Variants in GLIS3 observed in about 807,000 individuals in gnomAD.
GLIS3 encodes zinc finger protein GLIS3.
Under a neutral mutation model 78.6 loss-of-function variants are expected in GLIS3, and 53 were observed. The observed-to-expected ratio is 0.67, with a 90% CI of 0.54 to 0.85. The LOEUF (loss-of-function observed/expected upper bound fraction) is 0.85. Among genes scored for constraint, GLIS3 ranks in the 40% least tolerant of loss-of-function variants. GLIS3 has a pLI of 0.00. For missense variants in GLIS3, 1,703 were observed against 1,231.1 expected (o/e 1.38, Z -5.74); for synonymous variants, 684 against 509.9 (o/e 1.34, Z -4.60).
chr9:4,140,628 C>G (rs1833738756), intron 2 of GLIS3, among the ~76,000 whole-genome samples: 1 of 152,252 alleles, frequency 6.6e-6, no homozygotes, highest in African/African-American at 2.4e-5. Flanking sequence ...ATCTCATAGG[C>G]CAGATACCCT....
At chr9:4,368,072 T>A in the GLIS3 span, among the ~76,000 whole-genome samples, 1 of 152,230 alleles carries the variant, frequency 6.6e-6, no homozygotes, top group Non-Finnish European at 1.5e-5. Flanking sequence ...AGTCAATTCT[T>A]GCTTATTCAT....
the GLIS3 span, among the ~76,000 whole-genome samples, chr9:4,405,420 A>T: frequency 2.0e-5 from 3 of 151,950 alleles, no homozygotes. Context: ...AAGAAATTCA[A>T]ATGATCATTA....
At chr9:4,132,044 T>TC (rs1333398288) in intron 2 of GLIS3, among the ~76,000 whole-genome samples, 32 of 151,064 alleles carry the variant, frequency 2.1e-4, no homozygotes, top group African/African-American at 5.8e-4. Context: ...CGGCCAATGT[T>TC]TTTTTTAAAA....
intron 9 of GLIS3, among the ~76,000 whole-genome samples, chr9:3,837,647 C>A (rs142050512): frequency 6.4e-4 from 98 of 152,280 alleles, no homozygotes; most frequent in Non-Finnish European, 1.2e-3. Flanking sequence ...AATTTAAATG[C>A]ATATTGCTGA....
At chr9:4,248,237 C>T (rs1210264991) in intron 2 of GLIS3, among the ~76,000 whole-genome samples, 1 of 126,232 alleles carries the variant, frequency 7.9e-6, no homozygotes, top group East Asian at 3.3e-4. Flanking sequence ...ATCCTTCCCC[C>T]AGCCCCCCAT....
intron 2 of GLIS3, among the ~76,000 whole-genome samples, chr9:4,237,480 G>A (rs928119177): frequency 7.9e-5 from 12 of 152,150 alleles, no homozygotes; most frequent in East Asian, 5.8e-4. Flanking sequence ...AGATGAAATC[G>A]CTACTTCAGG....
At position 4,118,766 on chromosome 9, in the gene GLIS3, A is replaced by C. The variant is rs1272234440; in HGVS notation, c.712T>G (p.Ser238Ala). The C allele has an allele frequency of 6.2e-7, 1 of 1,613,422 alleles. No individual in the cohort carries two copies. The stretch of plus-strand genomic sequence containing the variant: ...AGGCCATTCTGAGAGCCGTGGTTGG[A>C]GAGCGAAGGGAGGGCCCTGTAGCCC... Reference protein sequence around the residue: ...SQGYRALPSLSNHGSQNGLDL... With the variant: ...SQGYRALPSLANHGSQNGLDL... The change falls in exon 4 of 11, where the codon TCC becomes GCC. Residue 238 changes from serine to alanine, a missense_variant. By Grantham distance (99) the Ser-to-Ala change is moderately conservative. Transcript: ENST00000381971. The surrounding 1 kb of genome is among the most constrained non-coding windows in gnomAD (Gnocchi z 4.7).
intron 4 of GLIS3, among the ~76,000 whole-genome samples, chr9:3,944,965 C>T (rs916852892): frequency 3.3e-5 from 5 of 152,222 alleles, no homozygotes; most frequent in Non-Finnish European, 5.9e-5. Flanking sequence ...CCTCACTTTA[C>T]AACAGCCTGC....
the GLIS3 span, among the ~76,000 whole-genome samples, chr9:4,460,136 G>A: frequency 6.6e-6 from 1 of 152,076 alleles, no homozygotes; most frequent in Non-Finnish European, 1.5e-5. Flanking sequence ...GCAATTTGGT[G>A]GCTCGGTGGT....
intron 2 of GLIS3, among the ~76,000 whole-genome samples, chr9:4,207,967 G>A (rs1820031124): frequency 6.6e-6 from 1 of 152,196 alleles, no homozygotes. Flanking sequence ...GAACCACGTT[G>A]GGGGTAGCGG....
At chr9:4,025,057 C>G (rs12115377) in intron 4 of GLIS3, among the ~76,000 whole-genome samples, 3,873 of 150,498 alleles carry the variant, frequency 0.026, 75 homozygotes, top group Non-Finnish European at 0.037. Flanking sequence ...CGAGACCAGC[C>G]TGGTCAAAAT....
At chr9:3,954,966 A>G (rs981477046) in intron 4 of GLIS3, among the ~76,000 whole-genome samples, 3 of 152,258 alleles carry the variant, frequency 2.0e-5, no homozygotes, top group African/African-American at 7.2e-5. Context: ...GTGGATAAAA[A>G]TAAATAAATA....
intron 2 of GLIS3, among the ~76,000 whole-genome samples, chr9:4,212,496 A>C (rs1475933366): frequency 6.6e-6 from 1 of 152,238 alleles, no homozygotes; most frequent in East Asian, 1.9e-4. Context: ...TTACAGACAC[A>C]TAAGCAGGCA....
chr9:4,317,195 G>C (rs538861332), intron 2 of GLIS3, among the ~76,000 whole-genome samples: 27 of 152,278 alleles, frequency 1.8e-4, no homozygotes, highest in African/African-American at 6.5e-4. Flanking sequence ...TTTAAGTACC[G>C]GTCTTTACAT....
chr9:4,029,986 G>A (rs577486534), intron 4 of GLIS3, among the ~76,000 whole-genome samples: 3 of 152,072 alleles, frequency 2.0e-5, no homozygotes, highest in Non-Finnish European at 2.9e-5. Flanking sequence ...TGGATCTTAC[G>A]GTGGCTCAAT....
intron 2 of GLIS3, among the ~76,000 whole-genome samples, chr9:4,241,312 G>C (rs1298724330): frequency 3.3e-5 from 5 of 152,176 alleles, no homozygotes; most frequent in African/African-American, 1.2e-4. Context: ...TGTATTTTAT[G>C]TTTTAAAATA....
chr9:4,173,459 G>A (rs1461291334), intron 2 of GLIS3, among the ~76,000 whole-genome samples: 1 of 151,992 alleles, frequency 6.6e-6, no homozygotes, highest in African/African-American at 2.4e-5. Context: ...TTGGAACAAT[G>A]TGGGGCATAA....
intron 2 of GLIS3, among the ~76,000 whole-genome samples, chr9:4,133,651 G>A (rs1833143022): frequency 6.6e-6 from 1 of 152,106 alleles, no homozygotes; most frequent in South Asian, 2.1e-4. Context: ...CAGTTTGGAG[G>A]ATTAAAAAGT....
chr9:3,863,977 C>T (rs1387393545), intron 8 of GLIS3, among the ~76,000 whole-genome samples: 1 of 152,012 alleles, frequency 6.6e-6, no homozygotes, highest in Admixed American at 6.6e-5. Flanking sequence ...TCTGGAATAT[C>T]CTGACTGCAG....
Sources: allele counts gnomAD v4.1 joint callset (sites outside exome capture counted in the v4.1 genomes callset), GRCh38; gene constraint gnomAD v4.1.1; non-coding constraint Gnocchi (gnomAD v3.1); transcripts MANE v1.5; gene names NCBI Gene and HGNC (gene_info 2026-07-23, HGNC 2026-07-21).